Variants in CTNNA2 observed in about 807,000 individuals in gnomAD.
CTNNA2 encodes the protein catenin alpha-2.
A neutral mutation model predicts 101.0 loss-of-function variants in CTNNA2; 42 were observed. The observed-to-expected ratio is 0.42, with a 90% CI of 0.32 to 0.54. The LOEUF is 0.54. CTNNA2 is among the 20% of genes least tolerant of loss of function. The pLI, the probability that CTNNA2 is intolerant of heterozygous loss-of-function variation, is 0.14. For missense variants in CTNNA2, 871 were observed against 1,223.1 expected (o/e 0.71, Z 4.29); for synonymous variants, 450 against 456.4 (o/e 0.99, Z 0.18).
chr2:79,384,605 A>G (rs545257320), intron 4 of CTNNA2, among the ~76,000 whole-genome samples: 2 of 152,154 alleles, frequency 1.3e-5, no homozygotes, highest in Non-Finnish European at 2.9e-5. Flanking sequence ...GATGTTAGGT[A>G]CTCAAGACAA....
At chr2:79,311,472 C>T (rs968523111) in intron 2 of CTNNA2, among the ~76,000 whole-genome samples, 17 of 150,216 alleles carry the variant, frequency 1.1e-4, no homozygotes, top group Non-Finnish European at 2.5e-4. Flanking sequence ...TTGTTTGGTG[C>T]TAATGCTCTA....
intron 18 of CTNNA2, among the ~76,000 whole-genome samples, chr2:80,640,968 A>G (rs1673407857): frequency 6.6e-6 from 1 of 152,114 alleles, no homozygotes; most frequent in Non-Finnish European, 1.5e-5. Flanking sequence ...CCCCCTTAAA[A>G]TCGTTCTTGT....
intron 7 of CTNNA2, 22 bp downstream of exon 7, chr2:79,909,819 C>G: frequency 6.3e-7 from 1 of 1,578,430 alleles, no homozygotes. Flanking sequence ...GATCTCCATT[C>G]TCATGTCTTG....
chr2:80,069,100 A>T (rs577903694), intron 7 of CTNNA2, among the ~76,000 whole-genome samples: 35 of 152,302 alleles, frequency 2.3e-4, no homozygotes, highest in African/African-American at 8.4e-4. Context: ...GGGGCAACTG[A>T]AAAGCATTAG....
chr2:80,549,144 G>A (rs754277329), intron 11 of CTNNA2, among the ~76,000 whole-genome samples: 23 of 152,266 alleles, frequency 1.5e-4, no homozygotes, highest in Middle Eastern at 3.4e-3. Flanking sequence ...ATGACTGTGT[G>A]ATAACAGTCA....
chr2:80,021,863 T>TAACTC (rs1335111921), intron 7 of CTNNA2, among the ~76,000 whole-genome samples: 1 of 152,146 alleles, frequency 6.6e-6, no homozygotes, highest in East Asian at 1.9e-4. Flanking sequence ...ATGGCCTAAA[T>TAACTC]AACTGAATTA....
intron 8 of CTNNA2, among the ~76,000 whole-genome samples, chr2:80,416,424 T>C (rs1415188681): frequency 1.3e-5 from 2 of 152,118 alleles, no homozygotes; most frequent in Non-Finnish European, 1.5e-5. Flanking sequence ...ACTTCAGATC[T>C]AACACTGGAG....
intron 17 of CTNNA2, among the ~76,000 whole-genome samples, chr2:80,610,741 C>G (rs186368818): frequency 2.6e-5 from 4 of 151,620 alleles, no homozygotes; most frequent in Admixed American, 2.6e-4. Flanking sequence ...GCAAAATGCG[C>G]AATTATGTCT....
At chr2:80,438,424 TTTTTGTTTTG>T (rs961285699) in intron 9 of CTNNA2, among the ~76,000 whole-genome samples, 1 of 151,924 alleles carries the variant, frequency 6.6e-6, no homozygotes, top group African/African-American at 2.4e-5. Context: ...TTTGTTAGTT[TTTTTGTTTTG>T]TTTTGTTTTG....
At chr2:80,562,356 C>T (rs1434061) in intron 12 of CTNNA2, among the ~76,000 whole-genome samples, 26,681 of 152,156 alleles carry the variant, frequency 0.18, 2,466 homozygotes, top group Middle Eastern at 0.25. Context: ...AATGATTCCT[C>T]CTCAAAAGAA....
At chr2:80,078,540 C>T (rs1182880861) in intron 7 of CTNNA2, among the ~76,000 whole-genome samples, 4 of 152,132 alleles carry the variant, frequency 2.6e-5, no homozygotes, top group African/African-American at 9.7e-5. Flanking sequence ...AACAGCCCCG[C>T]GGGCATCTGT....
chr2:79,390,588 A>G (rs192355398), intron 4 of CTNNA2, among the ~76,000 whole-genome samples: 72 of 152,298 alleles, frequency 4.7e-4, no homozygotes, highest in African/African-American at 1.6e-3. Flanking sequence ...CTGCCACTTT[A>G]GTAACACTTC....
intron 1 of CTNNA2, among the ~76,000 whole-genome samples, chr2:79,559,982 A>G (rs1315729671): frequency 6.6e-6 from 1 of 151,912 alleles, no homozygotes; most frequent in Non-Finnish European, 1.5e-5. Flanking sequence ...CCTGTGATCA[A>G]ACAGCTATTA....
rs1676562729 is a variant in CTNNA2 at position 80,303,417 on chromosome 2, G to A, written c.1057-89794G>A. 6.2e-7 allele frequency: 1 copy of A among 1,614,088 alleles called. No homozygotes were observed. The highest frequency in any genetic ancestry group is 1.3e-5 in the African/African-American group (1 of 74,928). The stretch of plus-strand genomic sequence containing the variant: ...TCCACGCTGCGCAGGTTGGGCATGG[G>A]CCGGAAGGTGGTGTTGGGCAGTTGG... On this transcript the variant is annotated intron_variant, in intron 7 of 18. Coordinates refer to ENST00000402739, the MANE Select transcript of CTNNA2 (RefSeq NM_001282597.3). This position sits in a 1 kb window ranked among gnomAD's most constrained non-coding sequence, Gnocchi z 7.7.
chr2:80,261,666 T>C (rs2149123951), intron 7 of CTNNA2, among the ~76,000 whole-genome samples: 1 of 152,300 alleles, frequency 6.6e-6, no homozygotes. Flanking sequence ...AACTCCAGTG[T>C]TATAAAGAGA....
chr2:80,314,071 A>T (rs1179820444), intron 7 of CTNNA2, among the ~76,000 whole-genome samples: 1 of 152,222 alleles, frequency 6.6e-6, no homozygotes, highest in Non-Finnish European at 1.5e-5. Flanking sequence ...CTGAACAGAC[A>T]TTAGAGCTGC....
In CTNNA2 at chr2:80,495,422, T is replaced by G. The variant is rs1263726383; in HGVS notation, c.1291-49560T>G. Among the ~76,000 whole-genome samples, 10 of 152,242 alleles carry G rather than the reference T, an allele frequency of 6.6e-5. No individual in the cohort carries two copies. The East Asian group carries it at 1.9e-3, about 29-fold the overall frequency. On this transcript the variant is annotated intron_variant, in intron 9 of 18. Coordinates refer to ENST00000402739, the MANE Select transcript of CTNNA2 (RefSeq NM_001282597.3). ...CTTTCGACTTGGAAAAAGAAACAAC[T>G]GTAGAAGATAAGATTATGTGGGCTA...
chr2:80,555,749 G>A lies in CTNNA2; in HGVS notation c.1597G>A (p.Val533Met). The change falls in exon 12 of 19, where the codon GTG (valine) becomes ATG (methionine). Residue 533 changes from valine to methionine, a missense_variant. Val to Met is a conservative substitution (Grantham distance 21, BLOSUM62 1). Coordinates refer to ENST00000402739, the MANE Select transcript of CTNNA2 (RefSeq NM_001282597.3). ...TGTGATAGCCCTCCAAGAGGGCGATGTGGACACTCTGGACCGGACTGCAGG... is the reference window on the plus strand; with the variant it reads ...TGTGATAGCCCTCCAAGAGGGCGATATGGACACTCTGGACCGGACTGCAGG... ...KCVIALQEGD[V>M]DTLDRTAGAI... 2 of 1,584,736 alleles carry A rather than the reference G, an allele frequency of 1.3e-6. No individual in the cohort carries two copies. Among genetic ancestry groups the A allele is most frequent in the Non-Finnish European group, 1.7e-6 (2 of 1,165,294 alleles).
chr2:80,635,361 A>G (rs781078136), intron 18 of CTNNA2, among the ~76,000 whole-genome samples: 22 of 152,166 alleles, frequency 1.4e-4, no homozygotes, highest in Non-Finnish European at 2.5e-4. Context: ...CAAATTTAAA[A>G]CTAATTTAGT....
Sources: allele counts gnomAD v4.1 joint callset (sites outside exome capture counted in the v4.1 genomes callset), GRCh38; gene constraint gnomAD v4.1.1; non-coding constraint Gnocchi (gnomAD v3.1); transcripts MANE v1.5; gene names NCBI Gene and HGNC (gene_info 2026-07-23, HGNC 2026-07-21).